Variants in CYP3A4 observed in about 807,000 individuals in gnomAD.
CYP3A4 encodes the protein cytochrome P450 3A4.
A neutral mutation model predicts 54.9 loss-of-function variants in CYP3A4; 41 were observed. That is an observed-to-expected ratio of 0.75 (90% CI 0.58 to 0.97). The LOEUF (loss-of-function observed/expected upper bound fraction) is 0.97. CYP3A4 is among the 50% of genes least tolerant of loss of function. The pLI, the probability that CYP3A4 is intolerant of heterozygous loss-of-function variation, is 0.00. For synonymous variants in CYP3A4, 179 were observed against 205.2 expected, an observed-to-expected ratio of 0.87 and a Z score of 1.09; for missense variants, 510 against 597.3, an observed-to-expected ratio of 0.85 and a Z score of 1.52.
intron 6 of CYP3A4, among the ~76,000 whole-genome samples, 184 bp from the exon 7 acceptor site, chr7:99,768,686 G>A (rs948261957): frequency 6.6e-6 from 1 of 152,046 alleles, no homozygotes; most frequent in African/African-American, 2.4e-5. Context: ...GATGCAGCTG[G>A]CCCTACGCTG....
Position 99,758,206 on chromosome 7 carries a change from C to T in CYP3A4, c.1439G>A (p.Gly480Glu), listed in dbSNP as rs1287224156. ...GGGTTTTTCTGGTTGAAGAAGTCCT[C>T]CTAAGCTTAATTTCAGGGGGATCTG... ...ETQIPLKLSL[G>E]GLLQPEKPVV... is the part of the protein sequence containing the mutation. Residue 480 changes from glycine to glutamate, a missense_variant, in exon 13 of 13, where the codon GGA (glycine) becomes GAA (glutamate). Physicochemically the swap from Gly to Glu is moderately conservative, Grantham distance 98. Coordinates refer to ENST00000651514, the MANE Select transcript of CYP3A4 (RefSeq NM_017460.6). 5 of 1,613,916 alleles carry T rather than the reference C, an allele frequency of 3.1e-6. No homozygotes were observed. The South Asian group carries it at 3.3e-5, about 11-fold the overall frequency.
In CYP3A4 at chr7:99,757,985, A is replaced by T; in HGVS notation, c.*148T>A. 1 of 659,928 alleles carries T rather than the reference A, an allele frequency of 1.5e-6. No individual in the cohort carries two copies. The highest frequency in any genetic ancestry group is 2.8e-5 in the East Asian group (1 of 36,056). The allele number at this position is 659,928 out of a possible 1,614,324, so 40.9% of individuals were successfully genotyped here. ...TCTACACAGACAATGAGAGAGCTCA[A>T]TGCATGTACAGAATCCCCGGTTATT... On this transcript the variant is annotated 3_prime_UTR_variant, in exon 13 of 13. Coordinates refer to ENST00000651514, the MANE Select transcript of CYP3A4 (RefSeq NM_017460.6).
intron 3 of CYP3A4, 112 bp downstream of exon 3, chr7:99,777,916 G>T: frequency 1.2e-6 from 1 of 824,500 alleles, no homozygotes; most frequent in East Asian, 2.5e-5. Flanking sequence ...TTTGTAGTTA[G>T]GTTGACAAGA....
chr7:99,758,527 A>G (rs534538084), intron 12 of CYP3A4, among the ~76,000 whole-genome samples: 4 of 152,328 alleles, frequency 2.6e-5, no homozygotes, highest in South Asian at 2.1e-4. Context: ...ATGGAGTACT[A>G]TTCTGTGCCA....
chr7:99,762,299 G>A (rs1815359244), intron 10 of CYP3A4, 32 bp from the exon 11 acceptor site: 1 of 1,609,318 alleles, frequency 6.2e-7, no homozygotes, highest in Non-Finnish European at 8.5e-7. Context: ...TGGATAAATT[G>A]AGATTTTGAA....
Position 99,760,894 on chromosome 7 carries a change from A to G in CYP3A4, c.1341T>C (p.Phe447=), listed in dbSNP as rs1461300991. 1 of 1,614,038 alleles carries G rather than the reference A, an allele frequency of 6.2e-7. No homozygotes were observed. Among genetic ancestry groups the G allele is most frequent in the Non-Finnish European group, 8.5e-7 (1 of 1,179,976 alleles). Residue 447 remains phenylalanine (F), a synonymous_variant, in exon 12 of 13, where the codon TTT becomes TTC. Transcript: ENST00000651514. The part of the protein sequence containing the change: ...SGPRNCIGMR[F]ALMNMKLALI... Reference sequence around the variant, plus strand: ...GAGCAAGTTTCATGTTCATGAGAGCAAACCTCATGCCAATGCAGTTTCTGG... The same window carrying G: ...GAGCAAGTTTCATGTTCATGAGAGCGAACCTCATGCCAATGCAGTTTCTGG...
In CYP3A4 at chr7:99,770,216, A is replaced by G. The variant is rs1238996797; in HGVS notation, c.338T>C (p.Phe113Ser). Residue 113 changes from phenylalanine (F) to serine (S), a missense_variant, in exon 5 of 13, where the codon TTT (phenylalanine) becomes TCT (serine). Coordinates refer to ENST00000651514, the MANE Select transcript of CYP3A4 (RefSeq NM_017460.6). Reference sequence around the variant, plus strand: ...AGCTATAGAGATGGCACTTTTCATAAATCCCACTGGACCAAAAGGCTAGAG... The same window carrying G: ...AGCTATAGAGATGGCACTTTTCATAGATCCCACTGGACCAAAAGGCTAGAG... Reference protein sequence around the residue: ...TNRRPFGPVGFMKSAISIAED... With the variant: ...TNRRPFGPVGSMKSAISIAED... 3 of 1,613,424 alleles carry G rather than the reference A, an allele frequency of 1.9e-6. No homozygotes were observed. The highest frequency in any genetic ancestry group is 2.5e-6 in the Non-Finnish European group (3 of 1,179,494).
At chr7:99,765,390 G>T (rs1296994715) in intron 9 of CYP3A4, among the ~76,000 whole-genome samples, 2 of 152,158 alleles carry the variant, frequency 1.3e-5, no homozygotes, top group African/African-American at 4.8e-5. Flanking sequence ...GGGATAGATA[G>T]ATGAATAGTT....
At chr7:99,768,599 A>G in intron 6 of CYP3A4, 97 bp from the exon 7 acceptor site, 4 of 1,603,396 alleles carry the variant, frequency 2.5e-6, no homozygotes, top group East Asian at 2.2e-5. Flanking sequence ...GTCAAGACAG[A>G]CAAACAGCCA....
chr7:99,764,491 G>A (rs765610696), intron 9 of CYP3A4, among the ~76,000 whole-genome samples: 6 of 152,186 alleles, frequency 3.9e-5, no homozygotes, highest in Non-Finnish European at 7.3e-5. Flanking sequence ...ATCAAAGGAC[G>A]TTTCCCGAAG....
At position 99,772,639 on chromosome 7, in the gene CYP3A4, A is replaced by G. The variant is rs1194211831; in HGVS notation, c.269T>C (p.Ile90Thr). The G allele has an allele frequency of 1.9e-6, 3 of 1,613,494 alleles. No homozygotes were observed. The highest frequency in any genetic ancestry group is 4.5e-5 in the East Asian group (2 of 44,874). Residue 90 changes from isoleucine (I) to threonine (T), a missense_variant, in exon 4 of 13, where the codon ATC (isoleucine) becomes ACC (threonine). This residue lies in a region of CYP3A4 where 272 missense variants were observed against 274.9 expected (regional missense o/e 0.99). Coordinates refer to ENST00000651514, the MANE Select transcript of CYP3A4 (RefSeq NM_017460.6). ...PVLAITDPDM[I>T]KTVLVKECYS... ...ACATTCTTTCACTAGCACTGTTTTG[A>G]TCATGTCAGGATCTGTGATAGCCAG...
intron 3 of CYP3A4, 73 bp downstream of exon 3, chr7:99,777,955 A>C: frequency 8.2e-7 from 1 of 1,215,424 alleles, no homozygotes; most frequent in South Asian, 1.2e-5. Flanking sequence ...TTGGGCTGAG[A>C]CTGTCCTCTG....
intron 7 of CYP3A4, among the ~76,000 whole-genome samples, chr7:99,768,080 T>G (rs1475859003): frequency 2.6e-5 from 4 of 152,186 alleles, no homozygotes; most frequent in Non-Finnish European, 5.9e-5. Flanking sequence ...GTGTCCAGAA[T>G]AGGCAAATCC....
intron 12 of CYP3A4, among the ~76,000 whole-genome samples, chr7:99,759,746 G>A (rs17161888): frequency 0.013 from 1,928 of 152,280 alleles, 51 homozygotes; most frequent in African/African-American, 0.043. Context: ...AGAAGTAAAT[G>A]GGCCCTGGAC....
At chr7:99,768,602 A>C (rs1333773467) in intron 6 of CYP3A4, 100 bp from the exon 7 acceptor site, 1 of 1,603,546 alleles carries the variant, frequency 6.2e-7, no homozygotes, top group Non-Finnish European at 8.5e-7. Context: ...AAGACAGACA[A>C]ACAGCCACAG....
At chr7:99,779,226 T>A (rs1353079857) in intron 2 of CYP3A4, among the ~76,000 whole-genome samples, 3 of 151,162 alleles carry the variant, frequency 2.0e-5, no homozygotes, top group Admixed American at 6.9e-5. Context: ...TCCGCCTTTG[T>A]GTAAAAAAAA....
intron 1 of CYP3A4, among the ~76,000 whole-genome samples, chr7:99,782,194 G>A (rs1295700858): frequency 6.6e-6 from 1 of 152,194 alleles, no homozygotes; most frequent in East Asian, 1.9e-4. Context: ...CTCAGGCCAG[G>A]ACAAACTATT....
At chr7:99,766,249 A>T in intron 9 of CYP3A4, 128 bp downstream of exon 9, 12 of 1,158,298 alleles carry the variant, frequency 1.0e-5, no homozygotes, top group Non-Finnish European at 1.5e-5. Flanking sequence ...CACTTATAAC[A>T]TTCAAACATG....
rs750298435 is a variant in CYP3A4, at chr7:99,778,021, TACTC to T, written c.218+3_218+6del. ...GTCTATCCAATGGAAGTTTCCAGAA[TACTC>T]ACCCCCACACTTTTCCATACTTTTT... On this transcript the variant is annotated splice_donor_5th_base_variant and intron_variant, in intron 3 of 12. Coordinates refer to ENST00000651514, the MANE Select transcript of CYP3A4 (RefSeq NM_017460.6). 2 of 1,611,592 alleles carry T rather than the reference TACTC, an allele frequency of 1.2e-6. No individual in the cohort carries two copies. Among genetic ancestry groups the T allele is most frequent in the Non-Finnish European group, 1.7e-6 (2 of 1,177,834 alleles).
Sources: allele counts gnomAD v4.1 joint callset (sites outside exome capture counted in the v4.1 genomes callset), GRCh38; gene constraint gnomAD v4.1.1; regional missense constraint gnomAD v4.1.1; transcripts MANE v1.5; gene names NCBI Gene and HGNC (gene_info 2026-07-23, HGNC 2026-07-21).